UBE2R2: variants seen among roughly 807,000 people sequenced by gnomAD.
UBE2R2 encodes ubiquitin conjugating enzyme E2 R2, also known as ubiquitin-conjugating enzyme E2 R2.
UBE2R2 carries 1 observed loss-of-function variant against 27.8 expected under a neutral mutation model. The ratio of observed to expected loss-of-function variants is 0.04; its 90% CI spans 0.01 to 0.17. UBE2R2 has a LOEUF of 0.17. Among genes scored for constraint, UBE2R2 ranks in the 10% least tolerant of loss-of-function variants. The pLI, the probability that UBE2R2 is intolerant of heterozygous loss-of-function variation, is 1.00. For synonymous variants in UBE2R2, 106 were observed against 113.3 expected (o/e 0.94, Z 0.41); for missense variants, 100 against 291.0 (o/e 0.34, Z 4.78).
intron 1 of UBE2R2, among the ~76,000 whole-genome samples, chr9:33,854,524 G>A (rs190311806): frequency 6.4e-4 from 98 of 151,978 alleles, no homozygotes; most frequent in African/African-American, 2.3e-3. Context: ...GTTTTACCAT[G>A]TTGGCCAGTT....
rs1200659585 is a variant in UBE2R2, at chr9:33,859,120, G to A, written c.178-27761G>A. Among the ~76,000 whole-genome samples, 4 of 152,074 alleles carry A rather than the reference G, an allele frequency of 2.6e-5. No individual in the cohort carries two copies. In the East Asian group the frequency reaches 5.8e-4, roughly 22 times the overall value. On this transcript the variant is annotated intron_variant, in intron 1 of 4. Coordinates refer to ENST00000263228, the MANE Select transcript of UBE2R2 (RefSeq NM_017811.4). The stretch of plus-strand genomic sequence containing the variant: ...ATTACAGACATGAGCCACCATGTCC[G>A]GCCGGAAGAGTTCATTTTAATATTA...
intron 1 of UBE2R2, among the ~76,000 whole-genome samples, chr9:33,825,072 AG>A (rs928159409): frequency 1.6e-4 from 25 of 152,270 alleles, no homozygotes; most frequent in African/African-American, 5.5e-4. Flanking sequence ...GACTCATTAA[AG>A]GAAAAGCAAA....
rs577025531 is a variant in UBE2R2 at position 33,818,266 on chromosome 9, G to A, written c.177+332G>A. Among the ~76,000 whole-genome samples, 14 of 151,726 alleles carry A rather than the reference G, an allele frequency of 9.2e-5. No individual in the cohort carries two copies. The South Asian group carries it at 2.1e-3, about 23-fold the overall frequency. On this transcript the variant is annotated intron_variant, in intron 1 of 4. Coordinates refer to ENST00000263228, the MANE Select transcript of UBE2R2 (RefSeq NM_017811.4). ...GGGTGGAAAGAGCGGTGGTCTATCT[G>A]TGCTTTTTCGTTCTCCGGTCGGAAC...
In UBE2R2 at chr9:33,909,975, G is replaced by A. The variant is rs552900268; in HGVS notation, c.363-1989G>A. On this transcript the variant is annotated intron_variant, in intron 3 of 4. Transcript: ENST00000263228. The stretch of plus-strand genomic sequence containing the variant: ...GGTTTCCTCCCTTTATTTTTGGCTT[G>A]GGGCCCAGAGCAAAAGGGTATTTTA... Among the ~76,000 whole-genome samples, 161 of 152,068 alleles carry A rather than the reference G, an allele frequency of 1.1e-3. 1 individual carries two copies. The highest frequency in any genetic ancestry group is 1.9e-3 in the Non-Finnish European group (128 of 67,996).
chr9:33,886,612 G>A (rs1285619823), intron 1 of UBE2R2, among the ~76,000 whole-genome samples: 1 of 145,462 alleles, frequency 6.9e-6, no homozygotes, highest in Non-Finnish European at 1.5e-5. Flanking sequence ...CTGAGGTCAC[G>A]TCACTGCACT....
At chr9:33,863,204 A>AG (rs34828662) in intron 1 of UBE2R2, among the ~76,000 whole-genome samples, 4 of 145,232 alleles carry the variant, frequency 2.8e-5, no homozygotes, top group African/African-American at 7.7e-5. Flanking sequence ...AAAAAAAAAA[A>AG]GAAGAAGAAA....
At chr9:33,892,493 A>G (rs1356147148) in intron 2 of UBE2R2, among the ~76,000 whole-genome samples, 1 of 152,200 alleles carries the variant, frequency 6.6e-6, no homozygotes, top group Non-Finnish European at 1.5e-5. Context: ...AGTGTGTTGT[A>G]GAACACAGTA....
chr9:33,917,042 C>T lies in UBE2R2; in HGVS notation c.522C>T (p.Ala174=), dbSNP rs768553848. 8.1e-5 allele frequency: 131 copies of T among 1,614,128 alleles called. No individual in the cohort carries two copies. The highest frequency in any genetic ancestry group is 9.7e-5 in the Non-Finnish European group (115 of 1,180,026). Residue 174 remains alanine, a synonymous_variant, in exon 5 of 5, where the codon GCC becomes GCT. Transcript: ENST00000263228. ...IIRKQVSATK[A]EAEKDGVKVP... ...GGAAACAAGTTTCAGCCACTAAGGC[C>T]GAAGCAGAAAAGGATGGAGTGAAGG...
chr9:33,892,001 T>G (rs1821997356), intron 2 of UBE2R2, among the ~76,000 whole-genome samples: 1 of 152,136 alleles, frequency 6.6e-6, no homozygotes, highest in African/African-American at 2.4e-5. Context: ...TATGTGTGTG[T>G]GCATATATAT....
At chr9:33,913,644 G>A (rs1193838274) in intron 4 of UBE2R2, among the ~76,000 whole-genome samples, 1 of 152,182 alleles carries the variant, frequency 6.6e-6, no homozygotes, top group African/African-American at 2.4e-5. Context: ...CATAGGAGTT[G>A]ACTAAGCATT....
At chr9:33,911,755 T>C (rs534491165) in intron 3 of UBE2R2, among the ~76,000 whole-genome samples, 1 of 151,972 alleles carries the variant, frequency 6.6e-6, no homozygotes, top group African/African-American at 2.4e-5. Flanking sequence ...CTGAAAAAAA[T>C]TTTTTTTTAT....
At chr9:33,823,521 G>GCGTGC (rs2130714190) in intron 1 of UBE2R2, among the ~76,000 whole-genome samples, 1 of 152,210 alleles carries the variant, frequency 6.6e-6, no homozygotes, top group South Asian at 2.1e-4. Context: ...GATTACAGGT[G>GCGTGC]CGTGCCAGCA....
intron 2 of UBE2R2, among the ~76,000 whole-genome samples, chr9:33,895,768 CTTTTTTTTT>C (rs776870484): frequency 1.1e-5 from 1 of 90,270 alleles, no homozygotes; most frequent in Admixed American, 1.3e-4. Flanking sequence ...CTCTCTCTCT[CTTTTTTTTT>C]TTTTTTTTTT....
At chr9:33,822,965 T>C (rs1291743918) in intron 1 of UBE2R2, among the ~76,000 whole-genome samples, 1 of 150,438 alleles carries the variant, frequency 6.6e-6, no homozygotes, top group Non-Finnish European at 1.5e-5. Context: ...ACTGCAGTGG[T>C]GTGATTTCGG....
intron 1 of UBE2R2, among the ~76,000 whole-genome samples, chr9:33,864,485 T>C (rs560852215): frequency 1.4e-4 from 22 of 152,336 alleles, no homozygotes; most frequent in Middle Eastern, 3.4e-3. Flanking sequence ...AAAGTTGTTA[T>C]GAAAGTAATA....
In UBE2R2 at chr9:33,917,438, G is replaced by C. The variant is rs961637529; in HGVS notation, c.*201G>C. 4 of 707,054 alleles carry C rather than the reference G, an allele frequency of 5.7e-6. No individual in the cohort carries two copies. The highest frequency in any genetic ancestry group is 9.0e-6 in the Non-Finnish European group (4 of 442,162). 43.8% of individuals were successfully genotyped at this position (707,054 alleles called of 1,614,324 possible). On this transcript the variant is annotated 3_prime_UTR_variant, in exon 5 of 5. Transcript: ENST00000263228. ...AATGGAGAGAGAGTAACCCTCCACA[G>C]AATGTCTGAATTCTTGCATTCTTTA...
At chr9:33,842,399 G>C (rs2130741226) in intron 1 of UBE2R2, among the ~76,000 whole-genome samples, 1 of 152,128 alleles carries the variant, frequency 6.6e-6, no homozygotes, top group East Asian at 1.9e-4. Flanking sequence ...TTACAAGAGA[G>C]AAGATAAATT....
At position 33,878,625 on chromosome 9, in the gene UBE2R2, CA is replaced by C. The variant is rs912217786; in HGVS notation, c.178-8248del. Among the ~76,000 whole-genome samples, 20 of 151,260 alleles carry C rather than the reference CA, an allele frequency of 1.3e-4. 1 individual carries two copies. Among genetic ancestry groups the C allele is most frequent in the Admixed American group, 1.3e-3 (19 of 15,174 alleles). The stretch of plus-strand genomic sequence containing the variant: ...AGAGTGAGACCCCGTCTCAAATTTA[CA>C]AAAAAAAGGCAGATTTATTAGAGAA... On this transcript the variant is annotated intron_variant, in intron 1 of 4. Transcript: ENST00000263228.
At chr9:33,834,232 G>A (rs1199101500) in intron 1 of UBE2R2, among the ~76,000 whole-genome samples, 1 of 143,038 alleles carries the variant, frequency 7.0e-6, no homozygotes, top group Non-Finnish European at 1.5e-5. Flanking sequence ...ACAGAGTCTC[G>A]CTCTGTTGCC....
Sources: gnomAD v4.1 joint callset for allele counts (sites outside exome capture counted in the v4.1 genomes callset) on GRCh38, gnomAD v4.1.1 for gene constraint, MANE v1.5 for transcripts, NCBI Gene and HGNC (gene_info 2026-07-23, HGNC 2026-07-21) for gene names.